The following ZWILCH variants were observed in gnomAD, a reference collection of about 807,000 sequenced individuals.
ZWILCH encodes the protein zwilch kinetochore protein, also known as protein zwilch homolog.
Under a neutral mutation model 79.9 loss-of-function variants are expected in ZWILCH, and 74 were observed. The observed-to-expected ratio is 0.93, with a 90% confidence interval of 0.77 to 1.12. The LOEUF is 1.12. ZWILCH is among the 50% of genes most tolerant of loss of function. The probability of loss-of-function intolerance (pLI) is 0.00; values close to 1 mark genes in which losing one functional copy is unlikely to be tolerated. For missense variants in ZWILCH, 694 were observed against 687.5 expected, an observed-to-expected ratio of 1.01 and a Z score of -0.11; for synonymous variants, 241 against 228.2, an observed-to-expected ratio of 1.06 and a Z score of -0.51.
At chr15:66,528,716 A>G in intron 10 of ZWILCH, 136 bp from the exon 11 acceptor site, 1 of 643,334 alleles carries the variant, frequency 1.6e-6, no homozygotes, top group South Asian at 2.1e-5. Flanking sequence ...TCATTAGTGA[A>G]TGAAGTTGTA....
At chr15:66,547,396 A>G (rs1247294812) in intron 18 of ZWILCH, 1 of 151,622 alleles carries the variant, frequency 6.6e-6, no homozygotes, top group Admixed American at 6.6e-5. Context: ...GACATTTTCT[A>G]CTGTCTTATT....
chr15:66,535,866 C>A, intron 14 of ZWILCH, 67 bp from the exon 15 acceptor site: 1 of 1,421,966 alleles, frequency 7.0e-7, no homozygotes, highest in Non-Finnish European at 9.4e-7. Flanking sequence ...GAAGGCATAC[C>A]TATATTCTTT....
At position 66,518,978 on chromosome 15, in the gene ZWILCH, T is replaced by C; in HGVS notation, c.420T>C (p.Cys140=). The C allele has an allele frequency of 1.2e-6, 2 of 1,614,220 alleles. No individual in the cohort carries two copies. The change falls in exon 5 of 19, where the codon TGT becomes TGC. Residue 140 remains cysteine, a synonymous_variant. Transcript: ENST00000307897. The part of the protein sequence containing the change: ...VTALPPLWVR[C]DSSDPEGTCW... ...CCCTTCCTCCCCTTTGGGTAAGATG[T>C]GACAGTTCAGATCCTGAAGGTACTT...
rs377218620 is a variant in ZWILCH at position 66,529,563 on chromosome 15, T to C, written c.1145T>C (p.Ile382Thr). 36 of 1,613,360 alleles carry C rather than the reference T, an allele frequency of 2.2e-5. No homozygotes were observed. The Middle Eastern group carries it at 6.6e-4, about 30-fold the overall frequency. ...LIIQSLQRGDIQPWLHSGSNS... is the reference protein window; with the variant it reads ...LIIQSLQRGDTQPWLHSGSNS... ...ATCCAGAGTCTACAACGTGGTGATATACAGCCATGGGTAGGTTTAGTAGTG... is the reference window on the plus strand; with the variant it reads ...ATCCAGAGTCTACAACGTGGTGATACACAGCCATGGGTAGGTTTAGTAGTG... Residue 382 changes from isoleucine to threonine, a missense_variant, in exon 12 of 19, where the codon ATA (isoleucine) becomes ACA (threonine). Ile to Thr is a moderately conservative substitution (Grantham distance 89). Coordinates refer to ENST00000307897, the MANE Select transcript of ZWILCH (RefSeq NM_017975.5).
chr15:66,549,970 G>A lies in ZWILCH; in HGVS notation c.*1646G>A. The A allele has an allele frequency of 1.9e-6, 2 of 1,038,876 alleles. No individual in the cohort carries two copies. The highest frequency in any genetic ancestry group is 3.8e-5 in the South Asian group (2 of 53,036). The allele number at this position is 1,038,876 out of a possible 1,614,324, so 64.4% of individuals were successfully genotyped here. ...GACTTCAAGTAGAGCCACATTTTGA[G>A]ATTTTGAAAATGATATGTATAATTA... On this transcript the variant is annotated 3_prime_UTR_variant, in exon 19 of 19. Transcript: ENST00000307897.
chr15:66,542,727 C>G (rs1895233257), intron 17 of ZWILCH, among the ~76,000 whole-genome samples: 1 of 152,054 alleles, frequency 6.6e-6, no homozygotes, highest in African/African-American at 2.4e-5. Context: ...ATAAGATATG[C>G]TTGCTTGTAC....
intron 17 of ZWILCH, among the ~76,000 whole-genome samples, chr15:66,543,669 A>G (rs1476992112): frequency 1.3e-5 from 2 of 151,830 alleles, no homozygotes; most frequent in Non-Finnish European, 2.9e-5. Flanking sequence ...AGGTGGGAGG[A>G]TTAGTTGAGC....
At chr15:66,514,544 C>G (rs1042535997) in intron 3 of ZWILCH, 1 of 153,816 alleles carries the variant, frequency 6.5e-6, no homozygotes, top group South Asian at 2.0e-4. Flanking sequence ...CTTCTGACAT[C>G]GTGATCCACT....
Position 66,548,892 on chromosome 15 carries a change from C to T in ZWILCH, c.*568C>T, listed in dbSNP as rs911418165. ...TCTCAATACTTATACTTTCTAAATT[C>T]ATCTCAGAATATTAGCAGCCATATT... On this transcript the variant is annotated 3_prime_UTR_variant, in exon 19 of 19. Coordinates refer to ENST00000307897, the MANE Select transcript of ZWILCH (RefSeq NM_017975.5). The T allele has an allele frequency of 5.5e-6, 1 of 181,240 alleles. No individual in the cohort carries two copies. The highest frequency in any genetic ancestry group is 1.2e-5 in the Non-Finnish European group (1 of 86,944). The allele number at this position is 181,240 out of a possible 1,614,324, so 11.2% of individuals were successfully genotyped here. A position where few individuals can be genotyped will look rare whatever the true frequency, so the allele number is the denominator to read the frequency against.
At chr15:66,512,115 G>A (rs1894088671) in intron 2 of ZWILCH, among the ~76,000 whole-genome samples, 1 of 152,048 alleles carries the variant, frequency 6.6e-6, no homozygotes, top group South Asian at 2.1e-4. Context: ...ATATAATATG[G>A]AATTAGTTAT....
chr15:66,521,189 C>G lies in ZWILCH; in HGVS notation c.731C>G (p.Ser244Cys). Residue 244 changes from serine to cysteine, a missense_variant, in exon 7 of 19, where the codon TCT becomes TGT. Transcript: ENST00000307897. ...GAGATTCTTCAAATCCCTCCACTCT[C>G]TTCAACTGCAACTCTGGTAAGAGTG... ...VDEILQIPPL[S>C]STATLNIKVE... 2 of 1,612,114 alleles carry G rather than the reference C, an allele frequency of 1.2e-6. No homozygotes were observed. Among genetic ancestry groups the G allele is most frequent in the African/African-American group, 2.7e-5 (2 of 75,054 alleles).
chr15:66,541,967 C>T (rs56235373), intron 17 of ZWILCH, among the ~76,000 whole-genome samples: 29,883 of 152,062 alleles, frequency 0.2, 3,035 homozygotes, highest in East Asian at 0.37. Context: ...CAGTTAGAGG[C>T]TCTGTTCATA....
chr15:66,544,387 A>G (rs549165305), intron 17 of ZWILCH, among the ~76,000 whole-genome samples: 3 of 152,168 alleles, frequency 2.0e-5, no homozygotes, highest in Non-Finnish European at 4.4e-5. Context: ...GCTGGAGTGC[A>G]GTGGCATGAT....
At chr15:66,519,150 C>T (rs371048393) in intron 5 of ZWILCH, 72 bp downstream of exon 5, 601 of 1,468,856 alleles carry the variant, frequency 4.1e-4, no homozygotes, top group African/African-American at 6.4e-4. Context: ...TGTTTTTTTA[C>T]GAAAATTGAT....
At chr15:66,519,156 T>A in intron 5 of ZWILCH, 78 bp downstream of exon 5, 2 of 1,420,886 alleles carry the variant, frequency 1.4e-6, no homozygotes, top group South Asian at 2.4e-5. Context: ...TTTACGAAAA[T>A]TGATATTGTT....
At chr15:66,517,813 A>T (rs1182838247) in intron 4 of ZWILCH, among the ~76,000 whole-genome samples, 1 of 135,984 alleles carries the variant, frequency 7.4e-6, no homozygotes, top group East Asian at 2.3e-4. Flanking sequence ...GCTCACAGCA[A>T]CCTTTGCCTC....
chr15:66,525,324 AT>A (rs1894634237), intron 8 of ZWILCH, among the ~76,000 whole-genome samples: 1 of 152,226 alleles, frequency 6.6e-6, no homozygotes, highest in South Asian at 2.1e-4. Flanking sequence ...GCACAAGTTC[AT>A]TTAAATGTGT....
At chr15:66,509,861 ATATATATATC>A (rs1302394585) in intron 2 of ZWILCH, among the ~76,000 whole-genome samples, 1,621 of 98,842 alleles carry the variant, frequency 0.016, 26 homozygotes, top group Non-Finnish European at 0.024. Flanking sequence ...ATATATATAT[ATATATATATC>A]TCTTAAAAAT....
Position 66,534,637 on chromosome 15 carries a change from T to C in ZWILCH, c.1342-1296T>C, listed in dbSNP as rs1356690647. ...GGTAATTGTAACATAATGGTATTTG[T>C]GTATCTAAACATAGAAGGGGTACAG... On this transcript the variant is annotated intron_variant, in intron 14 of 18. Coordinates refer to ENST00000307897, the MANE Select transcript of ZWILCH (RefSeq NM_017975.5). Among the ~76,000 whole-genome samples, 6 of 152,212 alleles carry C rather than the reference T, an allele frequency of 3.9e-5. No homozygotes were observed. In the East Asian group the frequency reaches 1.2e-3, roughly 29 times the overall value.
Sources: gnomAD v4.1 joint callset for allele counts (sites outside exome capture counted in the v4.1 genomes callset) on GRCh38, gnomAD v4.1.1 for gene constraint, MANE v1.5 for transcripts, NCBI Gene and HGNC (gene_info 2026-07-23, HGNC 2026-07-21) for gene names.